The following CDK15 variants were observed in gnomAD, a reference collection of about 807,000 sequenced individuals.
The protein encoded by CDK15 is cyclin dependent kinase 15.
A neutral mutation model predicts 60.3 loss-of-function variants in CDK15; 62 were observed. That is an observed-to-expected ratio of 1.03 (90% CI 0.84 to 1.27). The LOEUF (loss-of-function observed/expected upper bound fraction) is 1.27, where lower values mean the gene tolerates loss of function less well. Ranked by LOEUF, CDK15 falls within the 50% of genes most tolerant of loss-of-function variation. The pLI is 0.00. For missense variants in CDK15, 541 were observed against 527.8 expected (o/e 1.03, Z -0.25); for synonymous variants, 194 against 195.7 (o/e 0.99, Z 0.07).
intron 8 of CDK15, among the ~76,000 whole-genome samples, chr2:201,841,028 CTT>C (rs1384477639): frequency 6.6e-6 from 1 of 152,148 alleles, no homozygotes; most frequent in African/African-American, 2.4e-5. Context: ...ATCCATTTCT[CTT>C]CTCTCCTTCA....
intron 3 of CDK15, among the ~76,000 whole-genome samples, chr2:201,810,911 C>T (rs1235927897): frequency 1.4e-5 from 2 of 145,858 alleles, no homozygotes; most frequent in African/African-American, 5.1e-5. Flanking sequence ...GTGGCGCAAT[C>T]TCAGCTCACT....
At chr2:201,870,605 T>C (rs1043931444) in intron 10 of CDK15, among the ~76,000 whole-genome samples, 5 of 151,778 alleles carry the variant, frequency 3.3e-5, no homozygotes, top group African/African-American at 9.7e-5. Flanking sequence ...GGTGTATGCC[T>C]GTCATCCCAG....
chr2:201,861,420 A>G (rs1698386072), intron 10 of CDK15: 2 of 985,350 alleles, frequency 2.0e-6, no homozygotes, highest in Admixed American at 6.1e-5. Context: ...TTCATTAATC[A>G]TGTTGTATCC....
chr2:201,859,332 T>C (rs1698284082), intron 10 of CDK15, among the ~76,000 whole-genome samples: 1 of 152,196 alleles, frequency 6.6e-6, no homozygotes, highest in South Asian at 2.1e-4. Context: ...TGCATTCAAA[T>C]GGCGAACCTC....
At chr2:201,833,646 A>T (rs574988153) in intron 6 of CDK15, among the ~76,000 whole-genome samples, 53 of 152,040 alleles carry the variant, frequency 3.5e-4, no homozygotes, top group African/African-American at 1.3e-3. Flanking sequence ...TTTAGGACAC[A>T]GTCTAGTTAC....
rs1243907420 is a variant in CDK15 at position 201,842,191 on chromosome 2, T to C, written c.852-5190T>C. ...CTGGTAACCACGATTCTGCTTTTTA[T>C]CTTGATGAATTTGACTATTCTTGGT... On this transcript the variant is annotated intron_variant, in intron 8 of 13. Coordinates refer to ENST00000652192, the MANE Select transcript of CDK15 (RefSeq NM_001366386.2). 4.6e-5 allele frequency among the ~76,000 whole-genome samples: 7 copies of C among 152,328 alleles called. No homozygotes were observed. In the East Asian group the frequency reaches 1.3e-3, roughly 29 times the overall value.
intron 3 of CDK15, among the ~76,000 whole-genome samples, chr2:201,809,910 G>A (rs763445621): frequency 1.3e-5 from 2 of 152,174 alleles, no homozygotes; most frequent in South Asian, 2.1e-4. Context: ...CCTGGTTCAA[G>A]TGTTACCTTA....
chr2:201,887,537 T>C (rs1699497586), intron 12 of CDK15, among the ~76,000 whole-genome samples: 1 of 152,226 alleles, frequency 6.6e-6, no homozygotes. Context: ...GTTTTGGCTG[T>C]AATAAACCTC....
chr2:201,881,605 A>G (rs1400891458), intron 12 of CDK15, among the ~76,000 whole-genome samples: 1 of 152,184 alleles, frequency 6.6e-6, no homozygotes, highest in Admixed American at 6.5e-5. Context: ...TATTTGGAGG[A>G]ACAAGAATTC....
intron 10 of CDK15, chr2:201,861,567 T>G (rs1441622883): frequency 1.6e-6 from 1 of 641,680 alleles, no homozygotes; most frequent in Non-Finnish European, 1.9e-6. Context: ...TTTTTTTTCT[T>G]TTTTTTTTTT....
At chr2:201,818,921 G>A (rs1025043485) in intron 4 of CDK15, among the ~76,000 whole-genome samples, 2 of 151,934 alleles carry the variant, frequency 1.3e-5, no homozygotes, top group Non-Finnish European at 2.9e-5. Context: ...TTTATTGAGT[G>A]CCAGACATTG....
intron 11 of CDK15, chr2:201,876,524 G>C (rs2072503): frequency 0.061 from 75,588 of 1,236,478 alleles, 5,307 homozygotes; most frequent in East Asian, 0.3. Flanking sequence ...TGGCTCCTAG[G>C]AGGAAGAGAC....
At chr2:201,845,822 G>A (rs1294543300) in intron 8 of CDK15, among the ~76,000 whole-genome samples, 1 of 145,426 alleles carries the variant, frequency 6.9e-6, no homozygotes, top group African/African-American at 2.6e-5. Flanking sequence ...TATAGTGAAA[G>A]AGGTTTGCGG....
At chr2:201,891,188 T>C (rs1406371487) in intron 13 of CDK15, among the ~76,000 whole-genome samples, 1 of 152,144 alleles carries the variant, frequency 6.6e-6, no homozygotes, top group Non-Finnish European at 1.5e-5. Context: ...TGCTTCCTCA[T>C]CGGTGTGAGA....
At chr2:201,880,268 C>A in intron 12 of CDK15, 101 bp downstream of exon 12, 2 of 1,369,314 alleles carry the variant, frequency 1.5e-6, no homozygotes, top group Non-Finnish European at 2.0e-6. Flanking sequence ...ACCGGAGAAT[C>A]ATAGCATTTA....
At chr2:201,808,475 A>G (rs1434203545) in intron 3 of CDK15, among the ~76,000 whole-genome samples, 2 of 152,368 alleles carry the variant, frequency 1.3e-5, no homozygotes, top group East Asian at 3.8e-4. Flanking sequence ...AATACACAAA[A>G]TGTCTGGAGA....
Position 201,806,567 on chromosome 2 carries a change from C to T in CDK15, c.-98C>T, listed in dbSNP as rs1375873139. The T allele has an allele frequency of 4.6e-5, 63 of 1,363,640 alleles. 1 individual carries two copies. Among genetic ancestry groups the T allele is most frequent in the Admixed American group, 2.9e-4 (12 of 41,288 alleles). The allele number at this position is 1,363,640 out of a possible 1,614,324, so 84.5% of individuals were successfully genotyped here. The stretch of plus-strand genomic sequence containing the variant: ...CATCATGTGAGTCATATGAAAGCTC[C>T]ACGCTGCTGACCTCTGGCAAAAAGG... On this transcript the variant is annotated 5_prime_UTR_variant, in exon 1 of 14. Transcript: ENST00000652192.
chr2:201,838,671 T>A (rs187721452), intron 8 of CDK15, among the ~76,000 whole-genome samples: 1 of 152,022 alleles, frequency 6.6e-6, no homozygotes, highest in Non-Finnish European at 1.5e-5. Flanking sequence ...CCTTCCCAAC[T>A]GCTGGGATTA....
intron 4 of CDK15, among the ~76,000 whole-genome samples, chr2:201,812,923 C>G (rs909823587): frequency 2.6e-5 from 4 of 152,098 alleles, no homozygotes; most frequent in Non-Finnish European, 5.9e-5. Flanking sequence ...GGGAAATTTG[C>G]CTGAACATAA....
Sources: gnomAD v4.1 joint callset for allele counts (sites outside exome capture counted in the v4.1 genomes callset) on GRCh38, gnomAD v4.1.1 for gene constraint, MANE v1.5 for transcripts, NCBI Gene and HGNC (gene_info 2026-07-23, HGNC 2026-07-21) for gene names.